The following DTD1 variants were observed in gnomAD, a reference collection of about 807,000 sequenced individuals.
The protein encoded by DTD1 is D-aminoacyl-tRNA deacylase 1, also known as D-tyrosyl-tRNA deacylase 1 homolog.
DTD1 carries 13 observed loss-of-function variants against 25.6 expected under a neutral mutation model. The ratio of observed to expected loss-of-function variants is 0.51; its 90% CI spans 0.33 to 0.81. The LOEUF is 0.81. Ranked by LOEUF, DTD1 falls within the 30% of genes least tolerant of loss-of-function variation. The pLI, the probability that DTD1 is intolerant of heterozygous loss-of-function variation, is 0.02. For synonymous variants in DTD1, 110 were observed against 103.6 expected, an observed-to-expected ratio of 1.06 and a Z score of -0.37; for missense variants, 193 against 266.4, an observed-to-expected ratio of 0.72 and a Z score of 1.92.
intron 4 of DTD1, among the ~76,000 whole-genome samples, chr20:18,691,434 A>G (rs1038913683): frequency 2.0e-4 from 30 of 152,380 alleles, no homozygotes; most frequent in African/African-American, 7.0e-4. Flanking sequence ...CTCTGTAGCC[A>G]TAAAAAGAAC....
chr20:18,710,491 A>C (rs2122476900), intron 4 of DTD1, among the ~76,000 whole-genome samples: 1 of 152,318 alleles, frequency 6.6e-6, no homozygotes, highest in Non-Finnish European at 1.5e-5. Flanking sequence ...ACTCTCATTC[A>C]AATCTTTAAT....
chr20:18,642,411 C>T (rs760035334), intron 4 of DTD1, among the ~76,000 whole-genome samples: 16 of 152,074 alleles, frequency 1.1e-4, no homozygotes, highest in Admixed American at 6.6e-5. Flanking sequence ...ATCTCTGCCT[C>T]CTACAGTTCT....
At chr20:18,616,724 T>C (rs546305996) in intron 3 of DTD1, among the ~76,000 whole-genome samples, 1 of 152,328 alleles carries the variant, frequency 6.6e-6, no homozygotes, top group Admixed American at 6.5e-5. Context: ...GGAGGATTGC[T>C]TGGGCCCAGG....
intron 4 of DTD1, among the ~76,000 whole-genome samples, chr20:18,706,204 A>G (rs904236603): frequency 1.3e-5 from 2 of 152,050 alleles, no homozygotes; most frequent in African/African-American, 4.8e-5. Context: ...CCCTTTCTCT[A>G]TGTCAGGGGC....
chr20:18,596,501 T>C (rs2060612095), intron 3 of DTD1, among the ~76,000 whole-genome samples: 1 of 152,072 alleles, frequency 6.6e-6, no homozygotes, highest in African/African-American at 2.4e-5. Context: ...GTGTGGCTAA[T>C]ACAGTGGTAT....
chr20:18,612,911 C>T (rs542942148), intron 3 of DTD1, among the ~76,000 whole-genome samples: 51 of 152,088 alleles, frequency 3.4e-4, no homozygotes, highest in East Asian at 3.1e-3. Context: ...TGCACACTTC[C>T]GCCTCCCAAA....
intron 4 of DTD1, among the ~76,000 whole-genome samples, chr20:18,715,306 G>A (rs781543428): frequency 6.6e-6 from 1 of 152,186 alleles, no homozygotes; most frequent in Non-Finnish European, 1.5e-5. Context: ...GACCCCTGTT[G>A]TTGATGGTGT....
intron 4 of DTD1, among the ~76,000 whole-genome samples, chr20:18,709,429 T>G (rs750783647): frequency 2.6e-5 from 4 of 152,212 alleles, no homozygotes; most frequent in Non-Finnish European, 4.4e-5. Flanking sequence ...TGTATTACTC[T>G]CCATACCTCC....
chr20:18,681,011 C>G (rs544006436), intron 4 of DTD1, among the ~76,000 whole-genome samples: 21 of 152,290 alleles, frequency 1.4e-4, no homozygotes, highest in Middle Eastern at 3.4e-3. Flanking sequence ...TAGTTTTTCG[C>G]CAGTCCTTTT....
chr20:18,757,792 AGTTAG>A (rs1410092715), intron 5 of DTD1, among the ~76,000 whole-genome samples: 21 of 152,288 alleles, frequency 1.4e-4, no homozygotes, highest in African/African-American at 4.8e-4. Flanking sequence ...TCATAAAATG[AGTTAG>A]GGAGGATTCC....
chr20:18,705,779 CATT>C (rs1286431640), intron 4 of DTD1, among the ~76,000 whole-genome samples: 1 of 152,148 alleles, frequency 6.6e-6, no homozygotes, highest in Admixed American at 6.5e-5. Context: ...AGGTTGGAAA[CATT>C]GTTGGAATCT....
intron 4 of DTD1, among the ~76,000 whole-genome samples, chr20:18,649,300 A>ATGGGCTT (rs2060863807): frequency 8.7e-6 from 1 of 114,700 alleles, no homozygotes; most frequent in Admixed American, 1.0e-4. Context: ...AAAGACTCTG[A>ATGGGCTT]TGGGCTTTCT....
At chr20:18,641,847 T>C (rs2122337806) in intron 4 of DTD1, among the ~76,000 whole-genome samples, 1 of 152,344 alleles carries the variant, frequency 6.6e-6, no homozygotes. Flanking sequence ...TTTTCTGATG[T>C]ACAGAAGTTT....
At chr20:18,707,473 G>T (rs535138112) in intron 4 of DTD1, among the ~76,000 whole-genome samples, 45 of 152,256 alleles carry the variant, frequency 3.0e-4, no homozygotes, top group African/African-American at 8.9e-4. Flanking sequence ...ACCAAACTGT[G>T]GTGGTGGGTG....
At chr20:18,700,236 G>C (rs1300234044) in intron 4 of DTD1, among the ~76,000 whole-genome samples, 1 of 152,170 alleles carries the variant, frequency 6.6e-6, no homozygotes, top group African/African-American at 2.4e-5. Flanking sequence ...GGTCAAGATG[G>C]TATCAGTCAG....
At chr20:18,665,979 A>G (rs568733214) in intron 4 of DTD1, among the ~76,000 whole-genome samples, 2 of 152,312 alleles carry the variant, frequency 1.3e-5, no homozygotes, top group South Asian at 4.1e-4. Context: ...CATTGGGTAC[A>G]TTACTATTAA....
At chr20:18,710,940 T>C (rs2061156119) in intron 4 of DTD1, among the ~76,000 whole-genome samples, 1 of 152,202 alleles carries the variant, frequency 6.6e-6, no homozygotes, top group Non-Finnish European at 1.5e-5. Flanking sequence ...TTTGCCTTGA[T>C]GGGTACTGGA....
intron 4 of DTD1, among the ~76,000 whole-genome samples, chr20:18,721,106 A>G (rs1055444502): frequency 6.6e-6 from 1 of 152,186 alleles, no homozygotes; most frequent in Non-Finnish European, 1.5e-5. Context: ...ACTGTCGAGT[A>G]CTTTAGTATA....
At chr20:18,641,931 C>T (rs968199969) in intron 4 of DTD1, among the ~76,000 whole-genome samples, 1 of 152,140 alleles carries the variant, frequency 6.6e-6, no homozygotes, top group Admixed American at 6.5e-5. Context: ...TCCAAGAAAT[C>T]ATTGCCAAAT....
Sources: allele counts gnomAD v4.1 joint callset (sites outside exome capture counted in the v4.1 genomes callset), GRCh38; gene constraint gnomAD v4.1.1; transcripts MANE v1.5; gene names NCBI Gene and HGNC (gene_info 2026-07-23, HGNC 2026-07-21).